The following DYNC2LI1 variants were observed in gnomAD, a reference collection of about 807,000 sequenced individuals.
The protein encoded by DYNC2LI1 is dynein cytoplasmic 2 light intermediate chain 1.
DYNC2LI1 carries 45 observed loss-of-function variants against 51.9 expected under a neutral mutation model. The observed-to-expected ratio is 0.87, with a 90% CI of 0.68 to 1.11. DYNC2LI1 has a LOEUF of 1.11. Ranked by LOEUF, DYNC2LI1 falls within the 50% of genes most tolerant of loss-of-function variation. The pLI is 0.00. For synonymous variants in DYNC2LI1, 130 were observed against 137.8 expected (o/e 0.94, Z 0.40); for missense variants, 490 against 417.4 (o/e 1.17, Z -1.51).
At chr2:43,815,271 A>G in the DYNC2LI1 span, among the ~76,000 whole-genome samples, 1 of 152,244 alleles carries the variant, frequency 6.6e-6, no homozygotes, top group African/African-American at 2.4e-5. Flanking sequence ...AGTCCACTGT[A>G]TATTTTCTGT....
chr2:43,827,047 G>A, the DYNC2LI1 span, among the ~76,000 whole-genome samples: 1 of 152,176 alleles, frequency 6.6e-6, no homozygotes, highest in Non-Finnish European at 1.5e-5. Context: ...CAAGGGGGCC[G>A]GGCGCGGTGG....
chr2:43,800,623 C>T (rs1013151891), intron 8 of DYNC2LI1, among the ~76,000 whole-genome samples: 6 of 152,096 alleles, frequency 3.9e-5, no homozygotes, highest in African/African-American at 1.4e-4. Context: ...AACACAAGTC[C>T]TTTCCACATC....
downstream of DYNC2LI1, chr2:43,814,573 G>T (rs760372710): frequency 6.3e-7 from 1 of 1,594,020 alleles, no homozygotes; most frequent in South Asian, 1.1e-5. Flanking sequence ...AAAGGAATGG[G>T]CATTTCTTGT....
At chr2:43,812,319 CT>C (rs535572680), downstream of DYNC2LI1, among the ~76,000 whole-genome samples, 16,148 of 115,164 alleles carry the variant, frequency 0.14, 1,183 homozygotes, top group Non-Finnish European at 0.2. Context: ...ACTTGTAATT[CT>C]TTTTTTTTTT....
chr2:43,794,998 AC>A (rs1673967872), intron 6 of DYNC2LI1: 11 of 1,174,958 alleles, frequency 9.4e-6, no homozygotes, highest in Non-Finnish European at 1.2e-5. Context: ...AGATGAAGCT[AC>A]AACTTTAAGC....
downstream of DYNC2LI1, among the ~76,000 whole-genome samples, chr2:43,811,600 C>T (rs1285248311): frequency 2.1e-5 from 3 of 144,386 alleles, no homozygotes; most frequent in Non-Finnish European, 4.6e-5. Flanking sequence ...AATACAGAAC[C>T]TTTTTTTTTT....
chr2:43,791,478 C>A (rs1177637624), intron 5 of DYNC2LI1, among the ~76,000 whole-genome samples: 2 of 152,138 alleles, frequency 1.3e-5, no homozygotes, highest in Non-Finnish European at 1.5e-5. Context: ...TCTTGGGCTT[C>A]CTTTCCCTGG....
intron 8 of DYNC2LI1, among the ~76,000 whole-genome samples, chr2:43,798,733 A>G (rs1665975041): frequency 6.6e-6 from 1 of 152,192 alleles, no homozygotes; most frequent in Non-Finnish European, 1.5e-5. Flanking sequence ...ATAAGCCTAA[A>G]GGAACAGGGT....
At chr2:43,812,971 C>A, downstream of DYNC2LI1, 2 of 672,548 alleles carry the variant, frequency 3.0e-6, no homozygotes, top group African/African-American at 1.8e-5. Context: ...CTGCTTGGAT[C>A]CAAGAGGCAC....
chr2:43,795,992 A>T, intron 7 of DYNC2LI1, 34 bp downstream of exon 7: 1 of 1,497,980 alleles, frequency 6.7e-7, no homozygotes, highest in Non-Finnish European at 9.3e-7. Context: ...AGTTTGTTGT[A>T]CATATATGGC....
chr2:43,817,346 G>C, the DYNC2LI1 span, among the ~76,000 whole-genome samples: 1 of 151,998 alleles, frequency 6.6e-6, no homozygotes, highest in Non-Finnish European at 1.5e-5. Flanking sequence ...TTAGCTGGGC[G>C]TGGTGGTGCG....
At chr2:43,823,420 A>G in the DYNC2LI1 span, among the ~76,000 whole-genome samples, 2 of 151,998 alleles carry the variant, frequency 1.3e-5, no homozygotes, top group Non-Finnish European at 2.9e-5. Flanking sequence ...CTTCCCTCTT[A>G]TTCCCTAACA....
In DYNC2LI1 at chr2:43,799,171, C is replaced by A. The variant is rs528972527; in HGVS notation, c.655-1670C>A. Among the ~76,000 whole-genome samples, 9 of 152,144 alleles carry A rather than the reference C, an allele frequency of 5.9e-5. No individual in the cohort carries two copies. In the South Asian group the frequency reaches 1.9e-3, roughly 32 times the overall value. On this transcript the variant is annotated intron_variant, in intron 8 of 12. Transcript: ENST00000260605. The stretch of plus-strand genomic sequence containing the variant: ...TTTTAATTAGCCAGTCATCATAGTG[C>A]ATGCCTGTGATCCTAGCTACTTAGG...
the DYNC2LI1 span, among the ~76,000 whole-genome samples, chr2:43,826,758 G>A: frequency 6.6e-6 from 1 of 152,354 alleles, no homozygotes; most frequent in South Asian, 2.1e-4. Context: ...GGCACAGGGA[G>A]TAAGGAGATC....
In DYNC2LI1 at chr2:43,804,668, A is replaced by T. The variant is rs377521817; in HGVS notation, c.829A>T (p.Ile277Phe). Residue 277 changes from isoleucine to phenylalanine, a missense_variant, in exon 11 of 13, where the codon ATT (isoleucine) becomes TTT (phenylalanine). Coordinates refer to ENST00000260605, the MANE Select transcript of DYNC2LI1 (RefSeq NM_016008.4). ...ATCTCCTCCTGTTCCTGAAAATGAC[A>T]TTGGAAAGCTTCATGCCCACTCACC... ...IGSPPVPEND[I>F]GKLHAHSPME... 41 of 1,607,216 alleles carry T rather than the reference A, an allele frequency of 2.6e-5. No individual in the cohort carries two copies. The highest frequency in any genetic ancestry group is 3.3e-5 in the Non-Finnish European group (39 of 1,177,696).
At chr2:43,820,209 T>C in the DYNC2LI1 span, 1 of 1,335,452 alleles carries the variant, frequency 7.5e-7, no homozygotes. Flanking sequence ...TGGGAGAAGT[T>C]TGCAGGGCAA....
chr2:43,778,051 C>T (rs142761936), intron 2 of DYNC2LI1, among the ~76,000 whole-genome samples: 66 of 152,200 alleles, frequency 4.3e-4, no homozygotes, highest in African/African-American at 1.5e-3. Flanking sequence ...CCAGAGTTTT[C>T]ATATTGGCCC....
intron 3 of DYNC2LI1, among the ~76,000 whole-genome samples, chr2:43,786,198 A>G (rs1034887504): frequency 1.3e-5 from 2 of 152,088 alleles, no homozygotes; most frequent in Non-Finnish European, 2.9e-5. Flanking sequence ...AAAGTCTTGC[A>G]TTGTTTTTGT....
At chr2:43,813,452 C>A, downstream of DYNC2LI1, 1 of 696,064 alleles carries the variant, frequency 1.4e-6, no homozygotes, top group Non-Finnish European at 2.6e-6. Flanking sequence ...TTTGATGAAG[C>A]AAGAGTGAGC....
Sources: gnomAD v4.1 joint callset for allele counts (sites outside exome capture counted in the v4.1 genomes callset) on GRCh38, gnomAD v4.1.1 for gene constraint, MANE v1.5 for transcripts, NCBI Gene and HGNC (gene_info 2026-07-23, HGNC 2026-07-21) for gene names.